The following TXK variants were observed in gnomAD, a reference collection of about 807,000 sequenced individuals.
TXK encodes the protein tyrosine-protein kinase TXK.
TXK carries 60 observed loss-of-function variants against 81.0 expected under a neutral mutation model. The observed-to-expected ratio is 0.74, with a 90% CI of 0.60 to 0.92. TXK has a LOEUF of 0.92. Ranked by LOEUF, TXK falls within the 40% of genes least tolerant of loss-of-function variation. The probability of loss-of-function intolerance (pLI) is 0.00; values close to 1 mark genes in which losing one functional copy is unlikely to be tolerated. For missense variants in TXK, 581 were observed against 638.3 expected, an observed-to-expected ratio of 0.91 and a Z score of 0.97; for synonymous variants, 203 against 210.7, an observed-to-expected ratio of 0.96 and a Z score of 0.32.
chr4:48,099,993 A>G (rs1382924820), intron 6 of TXK, among the ~76,000 whole-genome samples: 1 of 151,536 alleles, frequency 6.6e-6, no homozygotes, highest in Non-Finnish European at 1.5e-5. Flanking sequence ...GACCACGGTG[A>G]AACCCCGTCT....
chr4:48,121,706 T>C (rs985120527), intron 1 of TXK, among the ~76,000 whole-genome samples: 4 of 152,206 alleles, frequency 2.6e-5, no homozygotes, highest in African/African-American at 9.6e-5. Flanking sequence ...TGTCTGTACA[T>C]GTTCAATACA....
At chr4:48,131,396 T>C (rs1328665342) in intron 1 of TXK, among the ~76,000 whole-genome samples, 1 of 151,998 alleles carries the variant, frequency 6.6e-6, no homozygotes, top group Admixed American at 6.6e-5. Flanking sequence ...CACAGCTTAC[T>C]GCAACCTCAA....
At chr4:48,081,519 T>C (rs1717299864) in intron 10 of TXK, among the ~76,000 whole-genome samples, 1 of 152,222 alleles carries the variant, frequency 6.6e-6, no homozygotes, top group African/African-American at 2.4e-5. Flanking sequence ...GTATGTGGGA[T>C]TCATCATAGG....
At position 48,071,518 on chromosome 4, in the gene TXK, T is replaced by C; in HGVS notation, c.1514A>G (p.Glu505Gly). The C allele has an allele frequency of 1.2e-6, 2 of 1,612,802 alleles. No individual in the cohort carries two copies. The highest frequency in any genetic ancestry group is 2.2e-5 in the South Asian group (2 of 90,654). The change falls in exon 14 of 15, where the codon GAG (glutamate) becomes GGG (glycine). Residue 505 changes from glutamate to glycine, a missense_variant and splice_region_variant. Transcript: ENST00000264316. ...CATAGGAAAGTAACATATGCTTACC[T>C]CATGCCAGCAGCTGTACATGACTTC... ...IYEVMYSCWH[E>G]KPEGRPTFAE...
At chr4:48,132,786 A>G (rs1388736094) in intron 1 of TXK, among the ~76,000 whole-genome samples, 1 of 152,070 alleles carries the variant, frequency 6.6e-6, no homozygotes, top group African/African-American at 2.4e-5. Context: ...TCTCTACTAC[A>G]AATAGAAAAA....
intron 6 of TXK, among the ~76,000 whole-genome samples, chr4:48,100,397 T>C (rs183990712): frequency 6.6e-6 from 1 of 152,218 alleles, no homozygotes; most frequent in East Asian, 1.9e-4. Flanking sequence ...GCAAAGGATA[T>C]GAACAGAGTT....
chr4:48,095,407 T>G (rs1260776602), intron 6 of TXK, among the ~76,000 whole-genome samples, 185 bp from the exon 7 acceptor site: 1 of 152,238 alleles, frequency 6.6e-6, no homozygotes, highest in Non-Finnish European at 1.5e-5. Flanking sequence ...GATTTAGAAG[T>G]CACACCTATA....
At chr4:48,125,945 G>T (rs1014259256) in intron 1 of TXK, among the ~76,000 whole-genome samples, 1 of 152,240 alleles carries the variant, frequency 6.6e-6, no homozygotes, top group African/African-American at 2.4e-5. Flanking sequence ...TCACATGATG[G>T]AGGGTGACCC....
At chr4:48,120,202 T>C in intron 1 of TXK, among the ~76,000 whole-genome samples, 1 of 94,232 alleles carries the variant, frequency 1.1e-5, no homozygotes, top group Non-Finnish European at 3.0e-5. Context: ...TACACACATA[T>C]ATACGTATAT....
intron 10 of TXK, among the ~76,000 whole-genome samples, chr4:48,084,135 G>A (rs1382213403): frequency 6.6e-6 from 1 of 152,124 alleles, no homozygotes; most frequent in African/African-American, 2.4e-5. Flanking sequence ...TGTCACTCAG[G>A]CTGGAGTGCA....
chr4:48,093,035 C>T (rs1235268551), intron 8 of TXK, among the ~76,000 whole-genome samples: 1 of 152,186 alleles, frequency 6.6e-6, no homozygotes, highest in Non-Finnish European at 1.5e-5. Flanking sequence ...ACCAAAACCA[C>T]TCTTTCTTTT....
At position 48,089,712 on chromosome 4, in the gene TXK, G is replaced by A. The variant is rs542358682; in HGVS notation, c.784+38C>T. 107 of 1,553,054 alleles carry A rather than the reference G, an allele frequency of 6.9e-5. No homozygotes were observed. In the South Asian group the frequency reaches 1.1e-3, roughly 16 times the overall value. On this transcript the variant is annotated intron_variant, in intron 9 of 14. Transcript: ENST00000264316. ...CAGCCAGGTAGATTCTTTACTACTG[G>A]ATTTGCTATTTTACTTCAGCATGTG...
chr4:48,104,805 A>G, intron 6 of TXK, 96 bp downstream of exon 6: 1 of 921,424 alleles, frequency 1.1e-6, no homozygotes, highest in Non-Finnish European at 1.7e-6. Flanking sequence ...TTTTAGAACT[A>G]GAAAAGACAA....
intron 2 of TXK, 105 bp downstream of exon 2, chr4:48,114,243 C>A: frequency 1.7e-6 from 2 of 1,171,814 alleles, no homozygotes; most frequent in East Asian, 2.5e-5. Flanking sequence ...GAGAAGGTTC[C>A]CAGGTAGAGA....
rs1200367208 is a variant in TXK at position 48,107,883 on chromosome 4, A to ACC, written c.446+2654_446+2655insGG. Among the ~76,000 whole-genome samples, 5 of 147,842 alleles carry ACC rather than the reference A, an allele frequency of 3.4e-5. No homozygotes were observed. The East Asian group carries it at 9.9e-4, about 29-fold the overall frequency. Reference sequence around the variant, plus strand: ...TGAGACCATCCTGGCTAACACCGTGAAACTCTGTCTCTACTTAAAAAAAAA... The same window carrying ACC: ...TGAGACCATCCTGGCTAACACCGTGACCAACTCTGTCTCTACTTAAAAAAAAA... On this transcript the variant is annotated intron_variant, in intron 5 of 14. Transcript: ENST00000264316.
intron 1 of TXK, among the ~76,000 whole-genome samples, chr4:48,124,461 T>C (rs1719034766): frequency 6.6e-6 from 1 of 152,082 alleles, no homozygotes; most frequent in South Asian, 2.1e-4. Context: ...GTCTTCTCCC[T>C]AGCTTCTAGC....
rs376348669 is a variant in TXK at position 48,076,504 on chromosome 4, G to A, written c.1174-38C>T. ...GAAAAGAATCCAAGTTTGAATACAA[G>A]CTTTTATTTCAAGAGTTTTTCCTCT... is the stretch of plus-strand genomic sequence containing the variant. On this transcript the variant is annotated intron_variant, in intron 11 of 14. Transcript: ENST00000264316. The A allele has an allele frequency of 7.3e-5, 115 of 1,567,514 alleles. No individual in the cohort carries two copies. The African/African-American group carries it at 1.2e-3, about 17-fold the overall frequency.
chr4:48,068,983 G>T (rs750731599), intron 14 of TXK, among the ~76,000 whole-genome samples: 3 of 152,188 alleles, frequency 2.0e-5, no homozygotes, highest in Non-Finnish European at 4.4e-5. Context: ...AATCACGTTT[G>T]ACTCTAATGC....
At chr4:48,110,338 G>T (rs955851601) in intron 5 of TXK, among the ~76,000 whole-genome samples, 200 bp downstream of exon 5, 3 of 152,100 alleles carry the variant, frequency 2.0e-5, no homozygotes, top group Non-Finnish European at 4.4e-5. Context: ...AGAAAAAGTG[G>T]CTATACAAAA....
Sources: gnomAD v4.1 joint callset for allele counts (sites outside exome capture counted in the v4.1 genomes callset) on GRCh38, gnomAD v4.1.1 for gene constraint, MANE v1.5 for transcripts, NCBI Gene and HGNC (gene_info 2026-07-23, HGNC 2026-07-21) for gene names.